Variants in FAM118A observed in about 807,000 individuals in gnomAD.
FAM118A encodes the protein protein FAM118A.
FAM118A carries 25 observed loss-of-function variants against 38.2 expected under a neutral mutation model. The ratio of observed to expected loss-of-function variants is 0.65; its 90% confidence interval spans 0.48 to 0.91. FAM118A has a LOEUF of 0.91. Among genes scored for constraint, FAM118A ranks in the 40% least tolerant of loss-of-function variants. FAM118A has a pLI of 0.00. For synonymous variants in FAM118A, 178 were observed against 184.1 expected (o/e 0.97, Z 0.27); for missense variants, 425 against 463.3 (o/e 0.92, Z 0.76).
chr22:45,326,080 C>T (rs182320878), intron 3 of FAM118A, among the ~76,000 whole-genome samples: 122 of 151,978 alleles, frequency 8.0e-4, no homozygotes, highest in African/African-American at 2.7e-3. Flanking sequence ...GCACAGAGGG[C>T]GAGGGGAGGT....
chr22:45,313,927 G>A (rs2146585661), intron 1 of FAM118A, among the ~76,000 whole-genome samples: 1 of 152,276 alleles, frequency 6.6e-6, no homozygotes, highest in African/African-American at 2.4e-5. Context: ...GGGTGTAGTA[G>A]GAAGCACACT....
intron 3 of FAM118A, among the ~76,000 whole-genome samples, chr22:45,326,015 T>A (rs879712782): frequency 8.6e-5 from 13 of 152,032 alleles, no homozygotes; most frequent in Admixed American, 5.9e-4. Context: ...GCTGTGGCGA[T>A]GAGTGGGAAC....
intron 3 of FAM118A, among the ~76,000 whole-genome samples, chr22:45,323,930 C>T (rs77046411): frequency 0.061 from 9,340 of 152,204 alleles, 391 homozygotes; most frequent in Non-Finnish European, 0.088. Context: ...GCCCTGGGGC[C>T]GATGGGTCTG....
intron 2 of FAM118A, 134 bp from the exon 3 acceptor site, chr22:45,323,041 C>CTGTATGTG: frequency 1.5e-6 from 1 of 658,848 alleles, no homozygotes; most frequent in Non-Finnish European, 2.5e-6. Flanking sequence ...TCAGAGGGGA[C>CTGTATGTG]TGTGTGTGTG....
intron 6 of FAM118A, among the ~76,000 whole-genome samples, chr22:45,333,578 G>T (rs1390222912): frequency 6.6e-6 from 1 of 151,558 alleles, no homozygotes; most frequent in Non-Finnish European, 1.5e-5. Flanking sequence ...GGAGGCTGAG[G>T]CAGGAGAATG....
chr22:45,337,974 C>A, intron 8 of FAM118A: 2 of 893,150 alleles, frequency 2.2e-6, no homozygotes, highest in Non-Finnish European at 2.7e-6. Flanking sequence ...TGAAGGTACC[C>A]GTTGCTTTTT....
At chr22:45,309,073 AC>A (rs1431197991), upstream of FAM118A, 1 of 152,190 alleles carries the variant, frequency 6.6e-6, no homozygotes, top group Non-Finnish European at 1.5e-5. Flanking sequence ...TCCTCGCAAT[AC>A]CCACAAGGTA....
Position 45,332,624 on chromosome 22 carries a change from A to C in FAM118A, c.851A>C (p.Lys284Thr). 1 of 1,614,222 alleles carries C rather than the reference A, an allele frequency of 6.2e-7. No homozygotes were observed. The highest frequency in any genetic ancestry group is 8.5e-7 in the Non-Finnish European group (1 of 1,180,044). Residue 284 changes from lysine to threonine, a missense_variant, in exon 6 of 9, where the codon AAA becomes ACA. Lys to Thr is a moderately conservative substitution (Grantham distance 78). Coordinates refer to ENST00000441876, the MANE Select transcript of FAM118A (RefSeq NM_017911.4). ...HQADMLLHGI[K>T]VVSYGDCFDH... The stretch of plus-strand genomic sequence containing the variant: ...GCAGATATGCTTCTGCACGGAATCA[A>C]AGTTGTATCCTACGGGGACTGTTTT...
At chr22:45,328,788 A>AC in intron 4 of FAM118A, 11 of 295,956 alleles carry the variant, frequency 3.7e-5, no homozygotes, top group Non-Finnish European at 5.8e-5. Flanking sequence ...AAAAAACAAA[A>AC]GAAAAAAAAA....
At position 45,330,420 on chromosome 22, in the gene FAM118A, A is replaced by C. The variant is rs371990935; in HGVS notation, c.523-183A>C. Reference sequence around the variant, plus strand: ...TGTGACTGTACCGTCGTAGGACGGGAATAACTAGGGCTCACAACCAAGTTT... The same window carrying C: ...TGTGACTGTACCGTCGTAGGACGGGCATAACTAGGGCTCACAACCAAGTTT... On this transcript the variant is annotated intron_variant, in intron 4 of 8. Transcript: ENST00000441876. 3 of 533,550 alleles carry C rather than the reference A, an allele frequency of 5.6e-6. No individual in the cohort carries two copies. The South Asian group carries it at 1.2e-4, about 21-fold the overall frequency. 33.1% of individuals were successfully genotyped at this position (533,550 alleles called of 1,614,324 possible). A position where few individuals can be genotyped will look rare whatever the true frequency, so the allele number is the denominator to read the frequency against.
At position 45,327,859 on chromosome 22, in the gene FAM118A, G is replaced by C. The variant is rs964549671; in HGVS notation, c.318G>C (p.Lys106Asn). ...TTTTGTAGCGCACAGGCGATGCCAA[G>C]CCCAGCTTCTTCCAGGACTGCCTGA... ...RKMSPRTGDA[K>N]PSFFQDCLME... is the part of the protein sequence containing the mutation. The change falls in exon 4 of 9, where the codon AAG becomes AAC. Residue 106 changes from lysine (K) to asparagine (N), a missense_variant. Lys to Asn is a moderately conservative substitution (Grantham distance 94, BLOSUM62 0). Transcript: ENST00000441876. 4 of 1,614,250 alleles carry C rather than the reference G, an allele frequency of 2.5e-6. No homozygotes were observed. In the Admixed American group the frequency reaches 5.0e-5, roughly 20 times the overall value.
Position 45,327,825 on chromosome 22 carries a change from G to C in FAM118A, c.301-17G>C, listed in dbSNP as rs756876712. On this transcript the variant is annotated splice_polypyrimidine_tract_variant and intron_variant, in intron 3 of 8. Coordinates refer to ENST00000441876, the MANE Select transcript of FAM118A (RefSeq NM_017911.4). Reference sequence around the variant, plus strand: ...AAGAGCTGATGTTTTGGTAACTGTCGTTCCACCTTTTTGTAGCGCACAGGC... The same window carrying C: ...AAGAGCTGATGTTTTGGTAACTGTCCTTCCACCTTTTTGTAGCGCACAGGC... 1 of 1,613,800 alleles carries C rather than the reference G, an allele frequency of 6.2e-7. No homozygotes were observed. The highest frequency in any genetic ancestry group is 8.5e-7 in the Non-Finnish European group (1 of 1,179,740).
chr22:45,318,056 C>T (rs1002813152), intron 1 of FAM118A, among the ~76,000 whole-genome samples: 2 of 152,032 alleles, frequency 1.3e-5, no homozygotes, highest in Non-Finnish European at 1.5e-5. Flanking sequence ...ATAACAAGTT[C>T]GATTTTGGTA....
At chr22:45,336,225 C>A in intron 7 of FAM118A, 103 bp from the exon 8 acceptor site, 1 of 787,330 alleles carries the variant, frequency 1.3e-6, no homozygotes, top group Non-Finnish European at 2.1e-6. Context: ...TAGTGGATGG[C>A]AGGGTCTGCT....
chr22:45,328,744 C>CAGGTCTTG, intron 4 of FAM118A: 1 of 456,078 alleles, frequency 2.2e-6, no homozygotes, highest in Non-Finnish European at 4.0e-6. Flanking sequence ...GATCACTGTA[C>CAGGTCTTG]TCCAGCCTGG....
chr22:45,330,791 C>G, intron 5 of FAM118A, 60 bp downstream of exon 5: 2 of 1,443,756 alleles, frequency 1.4e-6, no homozygotes, highest in Non-Finnish European at 1.8e-6. Context: ...TGGCCACTGG[C>G]CATTGGCTGC....
intron 3 of FAM118A, among the ~76,000 whole-genome samples, chr22:45,324,547 C>T (rs2085119307): frequency 6.6e-6 from 1 of 152,206 alleles, no homozygotes; most frequent in African/African-American, 2.4e-5. Flanking sequence ...GTGACTCTGC[C>T]ACTCATGGGT....
At chr22:45,332,339 TA>T in intron 5 of FAM118A, 85 bp from the exon 6 acceptor site, 2 of 1,419,924 alleles carry the variant, frequency 1.4e-6, no homozygotes, top group Non-Finnish European at 1.9e-6. Flanking sequence ...AGCAGTGATG[TA>T]AAAGCACACA....
At chr22:45,320,486 G>C (rs2084812516) in intron 1 of FAM118A, among the ~76,000 whole-genome samples, 1 of 149,640 alleles carries the variant, frequency 6.7e-6, no homozygotes. Context: ...ACCCAGGCTG[G>C]AGTGCAGTGG....
Sources: gnomAD v4.1 joint callset for allele counts (sites outside exome capture counted in the v4.1 genomes callset) on GRCh38, gnomAD v4.1.1 for gene constraint, MANE v1.5 for transcripts, NCBI Gene and HGNC (gene_info 2026-07-23, HGNC 2026-07-21) for gene names.